Variants in SUGP2 observed in about 807,000 individuals in gnomAD.
The protein encoded by SUGP2 is SURP and G-patch domain-containing protein 2.
A neutral mutation model predicts 90.5 loss-of-function variants in SUGP2; 24 were observed. The ratio of observed to expected loss-of-function variants is 0.27; its 90% CI spans 0.19 to 0.37. SUGP2 has a LOEUF of 0.37. Ranked by LOEUF, SUGP2 falls within the 10% of genes least tolerant of loss-of-function variation. The pLI, the probability that SUGP2 is intolerant of heterozygous loss-of-function variation, is 1.00. For synonymous variants in SUGP2, 473 were observed against 513.4 expected (o/e 0.92, Z 1.06); for missense variants, 1,233 against 1,363.3 (o/e 0.90, Z 1.51).
Position 19,024,981 on chromosome 19 carries a change from A to T in SUGP2, c.1367T>A (p.Met456Lys). The T allele has an allele frequency of 6.2e-7, 1 of 1,614,204 alleles. No homozygotes were observed. The highest frequency in any genetic ancestry group is 8.5e-7 in the Non-Finnish European group (1 of 1,180,022). The change falls in exon 3 of 11, where the codon ATG becomes AAG. Residue 456 changes from methionine (M) to lysine (K), a missense_variant. Physicochemically the swap from Met to Lys is moderately conservative, Grantham distance 95. Transcript: ENST00000452918. Reference sequence around the variant, plus strand: ...GTCCAGGGGGTTACTGAGGGTCTTCATCTTGACACTTAGCTCGTAGGCATT... The same window carrying T: ...GTCCAGGGGGTTACTGAGGGTCTTCTTCTTGACACTTAGCTCGTAGGCATT... ...ACNAYELSVK[M>K]KTLSNPLDLA...
intron 8 of SUGP2, among the ~76,000 whole-genome samples, chr19:18,997,782 C>CA (rs35875282): frequency 0.28 from 24,811 of 87,932 alleles, 3,276 homozygotes; most frequent in Middle Eastern, 0.37. Context: ...GACTCCGTCT[C>CA]AAAAAAAAAA....
intron 1 of SUGP2, among the ~76,000 whole-genome samples, chr19:19,031,824 CTTTT>C (rs374873309): frequency 7.2e-6 from 1 of 138,064 alleles, no homozygotes; most frequent in African/African-American, 2.7e-5. Flanking sequence ...TTTTATTTAT[CTTTT>C]TTTTTTTTTT....
upstream of SUGP2, chr19:19,033,808 T>C (rs879721464): frequency 3.9e-6 from 1 of 253,688 alleles, no homozygotes; most frequent in Non-Finnish European, 7.5e-6. Flanking sequence ...CGCGAGTCTC[T>C]GGGAGGCCAA....
rs1336147136 is a variant in SUGP2, at chr19:18,992,875, G to GA, written c.*865dup. On this transcript the variant is annotated 3_prime_UTR_variant, in exon 11 of 11. Transcript: ENST00000452918. ...GCAGCAGAGTGCTGGGGAATCTGGA[G>GA]AGCGGGGGCGATCACATGCCTGGAA... 1.3e-5 allele frequency: 2 copies of GA among 152,298 alleles called. No individual in the cohort carries two copies. The highest frequency in any genetic ancestry group is 4.8e-5 in the African/African-American group (2 of 41,448). The allele number at this position is 152,298 out of a possible 1,614,324, so 9.4% of individuals were successfully genotyped here.
At position 19,020,604 on chromosome 19, in the gene SUGP2, C is replaced by A. The variant is rs138399777; in HGVS notation, c.1730-1375G>T. Among the ~76,000 whole-genome samples the A allele has an allele frequency of 2.8e-3, 418 of 151,562 alleles. 2 individuals are homozygous for A. Among genetic ancestry groups the A allele is most frequent in the African/African-American group, 9.6e-3 (396 of 41,398 alleles). ...GATTACAGACATGCGCCACCACGTACAGCTTTATTTTTTTGTACAGACGAG... is the reference window on the plus strand; with the variant it reads ...GATTACAGACATGCGCCACCACGTAAAGCTTTATTTTTTTGTACAGACGAG... On this transcript the variant is annotated intron_variant, in intron 3 of 10. Coordinates refer to ENST00000452918, the MANE Select transcript of SUGP2 (RefSeq NM_001017392.5).
intron 3 of SUGP2, among the ~76,000 whole-genome samples, chr19:19,020,772 A>G (rs1358283446): frequency 6.6e-6 from 1 of 151,986 alleles, no homozygotes; most frequent in Non-Finnish European, 1.5e-5. Flanking sequence ...GTCCTCCAAT[A>G]TGACTTTAAA....
At chr19:18,994,314 A>T in intron 10 of SUGP2, 52 bp downstream of exon 10, 2 of 1,585,942 alleles carry the variant, frequency 1.3e-6, no homozygotes, top group Non-Finnish European at 1.7e-6. Flanking sequence ...TTCTCTGCAT[A>T]CCAGCACGCC....
At chr19:19,026,282 G>A in intron 2 of SUGP2, 56 bp from the exon 3 acceptor site, 1 of 1,445,024 alleles carries the variant, frequency 6.9e-7, no homozygotes, top group Non-Finnish European at 9.1e-7. Flanking sequence ...CTTTAGACCA[G>A]AGAATGCAAA....
intron 3 of SUGP2, among the ~76,000 whole-genome samples, chr19:19,019,899 C>T (rs1599527765): frequency 7.1e-6 from 1 of 139,866 alleles, no homozygotes; most frequent in South Asian, 2.2e-4. Flanking sequence ...GTAATCCTAG[C>T]ACTTTGGGAG....
chr19:19,029,458 A>G (rs182822014), intron 2 of SUGP2, among the ~76,000 whole-genome samples: 9,400 of 137,784 alleles, frequency 0.068, 363 homozygotes, highest in Middle Eastern at 0.16. Flanking sequence ...TTTTTTTTTG[A>G]GATGGAGTCT....
intron 2 of SUGP2, among the ~76,000 whole-genome samples, chr19:19,028,706 C>CT (rs949356147): frequency 2.7e-4 from 40 of 150,166 alleles, no homozygotes; most frequent in South Asian, 8.4e-4. Flanking sequence ...CCTAATCTGT[C>CT]TTTTTTTTTT....
chr19:19,022,079 G>C (rs1041144472), intron 3 of SUGP2, among the ~76,000 whole-genome samples: 5 of 151,848 alleles, frequency 3.3e-5, no homozygotes, highest in Non-Finnish European at 7.4e-5. Flanking sequence ...CTGCCTCCTG[G>C]GTTCAAGCGA....
chr19:19,010,478 T>C, intron 4 of SUGP2, 136 bp from the exon 5 acceptor site: 1 of 1,244,108 alleles, frequency 8.0e-7, no homozygotes, highest in South Asian at 1.4e-5. Flanking sequence ...TGCCTGGCTC[T>C]ACTGAGGACC....
At chr19:19,024,574 G>T in intron 3 of SUGP2, 45 bp downstream of exon 3, 1 of 1,551,740 alleles carries the variant, frequency 6.4e-7, no homozygotes, top group Non-Finnish European at 8.7e-7. Flanking sequence ...CATTACCAAA[G>T]AAACACGAAA....
At position 19,026,213 on chromosome 19, in the gene SUGP2, T is replaced by C. The variant is rs761453183; in HGVS notation, c.135A>G (p.Ala45=). ...ACATCTCTGCTCTGGATCTTGGGAC[T>C]GCCCTTAAGAGATCTGAAATAAACC... ...LQFKAQDLLR[A]VPRSRAEMYD... is the part of the protein sequence containing the mutation. The change falls in exon 3 of 11, where the codon GCA becomes GCG. Residue 45 remains alanine, a synonymous_variant. Coordinates refer to ENST00000452918, the MANE Select transcript of SUGP2 (RefSeq NM_001017392.5). 8.3e-6 allele frequency: 13 copies of C among 1,571,720 alleles called. 1 individual carries two copies. Among genetic ancestry groups the C allele is most frequent in the South Asian group, 4.6e-5 (4 of 86,246 alleles).
intron 1 of SUGP2, among the ~76,000 whole-genome samples, chr19:19,032,468 C>G (rs1321623366): frequency 6.6e-6 from 1 of 152,106 alleles, no homozygotes; most frequent in East Asian, 1.9e-4. Flanking sequence ...CCCAGGATCA[C>G]TCTTTTCCCA....
intron 4 of SUGP2, among the ~76,000 whole-genome samples, chr19:19,011,657 G>A (rs1052881212): frequency 6.6e-6 from 1 of 152,066 alleles, no homozygotes; most frequent in South Asian, 2.1e-4. Context: ...TGTGGCCCAC[G>A]TGAATTTCCT....
chr19:19,029,797 G>C (rs1435465580), intron 2 of SUGP2, among the ~76,000 whole-genome samples: 1 of 151,860 alleles, frequency 6.6e-6, no homozygotes. Flanking sequence ...AAAAAAATTA[G>C]CCGGGCATGG....
chr19:19,025,670 T>A lies in SUGP2; in HGVS notation c.678A>T (p.Leu226=), dbSNP rs1295353078. The stretch of plus-strand genomic sequence containing the variant: ...GCAGGCCCTGAGTCTCCCCCTTTCC[T>A]AGGAGGGAACCTTCCTGGTCAACGA... ...LNIVDQEGSL[L]GKGETQGLLT... is the part of the protein sequence containing the mutation. Residue 226 remains leucine, a synonymous_variant, in exon 3 of 11, where the codon CTA becomes CTT. Transcript: ENST00000452918. 1 of 1,613,904 alleles carries A rather than the reference T, an allele frequency of 6.2e-7. No homozygotes were observed. The highest frequency in any genetic ancestry group is 8.5e-7 in the Non-Finnish European group (1 of 1,179,960).
Sources: gnomAD v4.1 joint callset for allele counts (sites outside exome capture counted in the v4.1 genomes callset) on GRCh38, gnomAD v4.1.1 for gene constraint, MANE v1.5 for transcripts, NCBI Gene and HGNC (gene_info 2026-07-23, HGNC 2026-07-21) for gene names.